PTPN13: variants seen among roughly 807,000 people sequenced by gnomAD.
PTPN13 encodes tyrosine-protein phosphatase non-receptor type 13.
PTPN13 carries 191 observed loss-of-function variants against 284.0 expected under a neutral mutation model. The ratio of observed to expected loss-of-function variants is 0.67; its 90% confidence interval spans 0.60 to 0.76. The LOEUF (loss-of-function observed/expected upper bound fraction) is 0.76, where lower values mean the gene tolerates loss of function less well. PTPN13 is among the 30% of genes least tolerant of loss of function. PTPN13 has a pLI of 0.00. For missense variants in PTPN13, 2,797 were observed against 2,939.9 expected (o/e 0.95, Z 1.12); for synonymous variants, 986 against 1,022.3 (o/e 0.96, Z 0.68).
chr4:86,787,016 A>G (rs1231298641), intron 40 of PTPN13, among the ~76,000 whole-genome samples: 1 of 151,960 alleles, frequency 6.6e-6, no homozygotes, highest in Non-Finnish European at 1.5e-5. Flanking sequence ...GAGGCAGGAG[A>G]ATCACTTGAC....
chr4:86,689,058 T>A lies in PTPN13; in HGVS notation c.414T>A (p.Asp138Glu). Residue 138 changes from aspartate to glutamate, a missense_variant, in exon 5 of 48, where the codon GAT becomes GAA. Coordinates refer to ENST00000411767, the MANE Select transcript of PTPN13 (RefSeq NM_080683.3). The part of the protein sequence containing the change: ...LNSILLGMCE[D>E]VIYARVSVRT... Reference sequence around the variant, plus strand: ...GCATACTGCTTGGAATGTGTGAGGATGTTATTTACGCTCGAGTTTCTGTTC... The same window carrying A: ...GCATACTGCTTGGAATGTGTGAGGAAGTTATTTACGCTCGAGTTTCTGTTC... 6.3e-7 allele frequency: 1 copy of A among 1,588,658 alleles called. No individual in the cohort carries two copies. The highest frequency in any genetic ancestry group is 8.6e-7 in the Non-Finnish European group (1 of 1,156,802).
At chr4:86,758,475 C>A in intron 21 of PTPN13, 126 bp downstream of exon 21, 1 of 939,810 alleles carries the variant, frequency 1.1e-6, no homozygotes, top group Non-Finnish European at 1.6e-6. Context: ...GGCTGCCCAC[C>A]TACAAGCCCA....
At position 86,715,453 on chromosome 4, in the gene PTPN13, G is replaced by C. The variant is rs1345426937; in HGVS notation, c.1196-1077G>C. On this transcript the variant is annotated intron_variant, in intron 7 of 47. Transcript: ENST00000411767. ...CTATAAATGTAGTTGGGAGCCAGGCGTGGTGGCACATGCTTCTAGTCCCAG... is the reference window on the plus strand; with the variant it reads ...CTATAAATGTAGTTGGGAGCCAGGCCTGGTGGCACATGCTTCTAGTCCCAG... 5.3e-5 allele frequency among the ~76,000 whole-genome samples: 8 copies of C among 152,136 alleles called. No individual in the cohort carries two copies. In the East Asian group the frequency reaches 1.3e-3, roughly 26 times the overall value.
intron 33 of PTPN13, among the ~76,000 whole-genome samples, chr4:86,774,897 A>G (rs994581013): frequency 6.6e-6 from 1 of 152,046 alleles, no homozygotes; most frequent in Non-Finnish European, 1.5e-5. Flanking sequence ...AAGGACAGAA[A>G]GTTTAAATTA....
intron 2 of PTPN13, among the ~76,000 whole-genome samples, chr4:86,657,081 G>A (rs1453591430): frequency 6.6e-6 from 1 of 152,210 alleles, no homozygotes; most frequent in Non-Finnish European, 1.5e-5. Context: ...GAAAAGTGCA[G>A]TATTAGGGTG....
At chr4:86,695,547 AAAT>A (rs1460856032) in intron 6 of PTPN13, among the ~76,000 whole-genome samples, 1 of 152,054 alleles carries the variant, frequency 6.6e-6, no homozygotes, top group African/African-American at 2.4e-5. Flanking sequence ...TAGCAAGCTG[AAAT>A]AATCTTTTGG....
chr4:86,736,995 C>G (rs1475086215), intron 15 of PTPN13, among the ~76,000 whole-genome samples: 2 of 152,134 alleles, frequency 1.3e-5, no homozygotes, highest in Non-Finnish European at 2.9e-5. Flanking sequence ...TTTGAAATAT[C>G]TTTCGTAAAT....
chr4:86,775,934 T>TTTTTG (rs1407732381), intron 35 of PTPN13, among the ~76,000 whole-genome samples: 8 of 152,010 alleles, frequency 5.3e-5, no homozygotes, highest in Non-Finnish European at 1.2e-4. Flanking sequence ...ATTGGGAGTT[T>TTTTTG]TTTTGTTTTG....
At chr4:86,808,270 T>A (rs1744860881) in intron 45 of PTPN13, among the ~76,000 whole-genome samples, 1 of 152,204 alleles carries the variant, frequency 6.6e-6, no homozygotes, top group Non-Finnish European at 1.5e-5. Context: ...AATCTTTAAG[T>A]AGAAAATATT....
Position 86,787,709 on chromosome 4 carries a change from TATAC to T in PTPN13, c.6345+1781_6345+1784del, listed in dbSNP as rs562686044. Among the ~76,000 whole-genome samples, 260 of 152,358 alleles carry T rather than the reference TATAC, an allele frequency of 1.7e-3. 1 individual carries two copies. Among genetic ancestry groups the T allele is most frequent in the African/African-American group, 5.8e-3 (240 of 41,590 alleles). On this transcript the variant is annotated intron_variant, in intron 40 of 47. Transcript: ENST00000411767. ...GTGCATATCAAAACATAAATATTTG[TATAC>T]ATACATAATTTTTTAATATACGTTT...
intron 2 of PTPN13, among the ~76,000 whole-genome samples, chr4:86,659,911 G>A (rs1726282965): frequency 6.6e-6 from 1 of 151,540 alleles, no homozygotes; most frequent in South Asian, 2.1e-4. Flanking sequence ...TGTACAGATA[G>A]AATTTGATGT....
At chr4:86,609,915 A>G (rs1765113840) in intron 1 of PTPN13, among the ~76,000 whole-genome samples, 1 of 152,214 alleles carries the variant, frequency 6.6e-6, no homozygotes, top group Non-Finnish European at 1.5e-5. Context: ...AGCTAGATAC[A>G]TAGAAATTTT....
Position 86,672,549 on chromosome 4 carries a change from T to C in PTPN13, c.294+6T>C, listed in dbSNP as rs1191004385. 1.3e-6 allele frequency: 2 copies of C among 1,587,688 alleles called. No individual in the cohort carries two copies. The highest frequency in any genetic ancestry group is 1.7e-6 in the Non-Finnish European group (2 of 1,165,792). ...CTCTCTCAGATGTTGAAAAGGTAACTGTTAAATTTTTTTGTTTGTTTTTTT... is the reference window on the plus strand; with the variant it reads ...CTCTCTCAGATGTTGAAAAGGTAACCGTTAAATTTTTTTGTTTGTTTTTTT... On this transcript the variant is annotated splice_donor_region_variant and intron_variant, in intron 3 of 47. Coordinates refer to ENST00000411767, the MANE Select transcript of PTPN13 (RefSeq NM_080683.3).
intron 13 of PTPN13, 78 bp from the exon 14 acceptor site, chr4:86,734,659 C>T: frequency 6.8e-7 from 1 of 1,472,896 alleles, no homozygotes; most frequent in Non-Finnish European, 9.2e-7. Context: ...TGGAAATTAA[C>T]CTTACATGCC....
In PTPN13 at chr4:86,807,694, T is replaced by G. The variant is rs1744799753; in HGVS notation, c.6880T>G (p.Trp2294Gly). The G allele has an allele frequency of 6.2e-7, 1 of 1,613,922 alleles. No homozygotes were observed. The highest frequency in any genetic ancestry group is 1.3e-5 in the African/African-American group (1 of 74,928). ...GPLPTTVGDF[W>G]QMIWEQKSTV... ...ACTGCCTACAACTGTTGGAGACTTC[T>G]GGCAGATGATTTGGGAGCAAAAATC... The change falls in exon 45 of 48, where the codon TGG (tryptophan) becomes GGG (glycine). Residue 2294 changes from tryptophan (W) to glycine (G), a missense_variant. By Grantham distance (184) the Trp-to-Gly change is radical. Coordinates refer to ENST00000411767, the MANE Select transcript of PTPN13 (RefSeq NM_080683.3).
At chr4:86,782,287 A>G (rs373228194) in intron 37 of PTPN13, 25 bp downstream of exon 37, 170 of 1,549,046 alleles carry the variant, frequency 1.1e-4, no homozygotes, top group Non-Finnish European at 4.4e-5. Context: ...ACCCTCTTTC[A>G]TGTCATACCT....
intron 3 of PTPN13, 27 bp from the exon 4 acceptor site, chr4:86,686,683 A>G: frequency 1.2e-5 from 17 of 1,414,426 alleles, no homozygotes; most frequent in Non-Finnish European, 1.6e-5. Context: ...TTATCATAAA[A>G]TTATTTCTTA....
chr4:86,601,885 A>T (rs1188397460), intron 1 of PTPN13, among the ~76,000 whole-genome samples: 2 of 152,138 alleles, frequency 1.3e-5, no homozygotes, highest in Non-Finnish European at 2.9e-5. Flanking sequence ...TTATTCATTG[A>T]TTCCTATTCT....
intron 14 of PTPN13, 129 bp downstream of exon 14, chr4:86,735,004 C>A: frequency 9.6e-7 from 1 of 1,042,036 alleles, no homozygotes; most frequent in Non-Finnish European, 1.4e-6. Context: ...TTTGGTTCCT[C>A]AGAATGACCA....
Sources: gnomAD v4.1 joint callset for allele counts (sites outside exome capture counted in the v4.1 genomes callset) on GRCh38, gnomAD v4.1.1 for gene constraint, MANE v1.5 for transcripts, NCBI Gene and HGNC (gene_info 2026-07-23, HGNC 2026-07-21) for gene names.